Variants in SLC17A5 observed in about 807,000 individuals in gnomAD.
SLC17A5 encodes the protein solute carrier family 17 member 5.
Under a neutral mutation model 59.4 loss-of-function variants are expected in SLC17A5, and 47 were observed. The observed-to-expected ratio is 0.79, with a 90% CI of 0.63 to 1.01. The LOEUF (loss-of-function observed/expected upper bound fraction) is 1.01. Among genes scored for constraint, SLC17A5 ranks in the 50% least tolerant of loss-of-function variants. The pLI, the probability that SLC17A5 is intolerant of heterozygous loss-of-function variation, is 0.00. For synonymous variants in SLC17A5, 202 were observed against 210.7 expected (o/e 0.96, Z 0.36); for missense variants, 522 against 595.5 (o/e 0.88, Z 1.28).
intron 7 of SLC17A5, among the ~76,000 whole-genome samples, chr6:73,619,264 G>A (rs1249656717): frequency 4.6e-5 from 7 of 152,096 alleles, no homozygotes; most frequent in African/African-American, 9.7e-5. Context: ...TGGTGCTAAC[G>A]GATTTGCTCC....
intron 9 of SLC17A5, among the ~76,000 whole-genome samples, chr6:73,605,222 ATTATAATG>A (rs1767338274): frequency 6.6e-6 from 1 of 152,204 alleles, no homozygotes; most frequent in Admixed American, 6.5e-5. Context: ...AGTACTTAAT[ATTATAATG>A]TTATAATCTA....
At chr6:73,621,161 A>G (rs1323562418) in intron 7 of SLC17A5, among the ~76,000 whole-genome samples, 1 of 151,962 alleles carries the variant, frequency 6.6e-6, no homozygotes, top group South Asian at 2.1e-4. Context: ...ATGCACTACC[A>G]CGCCTGGTTA....
At chr6:73,645,352 G>A (rs3799289) in intron 1 of SLC17A5, 62,398 of 984,890 alleles carry the variant, frequency 0.063, 2,183 homozygotes, top group Admixed American at 0.16. Flanking sequence ...TAAAGCCATC[G>A]TAAACTAAAT....
chr6:73,597,025 G>A (rs1173679210), intron 10 of SLC17A5, among the ~76,000 whole-genome samples: 65 of 152,176 alleles, frequency 4.3e-4, no homozygotes, highest in African/African-American at 1.5e-3. Flanking sequence ...GCTGGGCGTG[G>A]TGGCAGGCTC....
At chr6:73,600,304 G>A (rs1200775416) in intron 10 of SLC17A5, 47 bp downstream of exon 10, 1 of 1,311,458 alleles carries the variant, frequency 7.6e-7, no homozygotes, top group South Asian at 1.2e-5. Flanking sequence ...TGACACAGAT[G>A]TGCAGCTCCA....
chr6:73,637,370 T>C (rs959651674), intron 4 of SLC17A5, among the ~76,000 whole-genome samples: 2 of 152,184 alleles, frequency 1.3e-5, no homozygotes, highest in African/African-American at 2.4e-5. Context: ...TTCAAGGAGT[T>C]TGGGATTTAT....
intron 9 of SLC17A5, among the ~76,000 whole-genome samples, chr6:73,602,774 CAAAA>C (rs71000136): frequency 9.9e-6 from 1 of 100,806 alleles, no homozygotes. Flanking sequence ...GACTCCGTCT[CAAAA>C]AAAAAAAAAA....
At chr6:73,641,997 G>GT (rs1371073008) in intron 2 of SLC17A5, 73 bp from the exon 3 acceptor site, 1 of 1,272,316 alleles carries the variant, frequency 7.9e-7, no homozygotes, top group Non-Finnish European at 1.1e-6. Context: ...TTACTGGCAT[G>GT]TAAGTACATA....
intron 4 of SLC17A5, among the ~76,000 whole-genome samples, chr6:73,637,508 AC>A (rs765411976): frequency 3.3e-5 from 5 of 152,208 alleles, no homozygotes; most frequent in African/African-American, 9.7e-5. Flanking sequence ...CTCTTAAAAA[AC>A]AATCTACATT....
At chr6:73,595,312 T>A in intron 10 of SLC17A5, 98 bp from the exon 11 acceptor site, 1 of 1,348,948 alleles carries the variant, frequency 7.4e-7, no homozygotes, top group Non-Finnish European at 1.0e-6. Context: ...ACAGCCACAT[T>A]ATTCATAAAA....
intron 1 of SLC17A5, among the ~76,000 whole-genome samples, chr6:73,648,190 T>C (rs1562002172): frequency 6.6e-6 from 1 of 152,228 alleles, no homozygotes; most frequent in Non-Finnish European, 1.5e-5. Context: ...TACAAATATA[T>C]TCAATCAGAA....
chr6:73,635,664 A>G (rs1373039924), intron 5 of SLC17A5, among the ~76,000 whole-genome samples, 164 bp from the exon 6 acceptor site: 3 of 152,230 alleles, frequency 2.0e-5, no homozygotes, highest in Non-Finnish European at 4.4e-5. Flanking sequence ...GTTTGGATTC[A>G]ATTTCAAGTT....
chr6:73,653,617 G>A (rs1319604625), intron 1 of SLC17A5, 176 bp downstream of exon 1: 2 of 568,742 alleles, frequency 3.5e-6, no homozygotes, highest in African/African-American at 2.1e-5. Flanking sequence ...TCTGCGCACC[G>A]AGGCAGGCGG....
chr6:73,637,039 T>C (rs542709494), intron 4 of SLC17A5, among the ~76,000 whole-genome samples: 360 of 151,794 alleles, frequency 2.4e-3, no homozygotes, highest in African/African-American at 7.6e-3. Flanking sequence ...TGAGGGGCGA[T>C]TGTGCCACTG....
rs756813520 is a variant in SLC17A5, at chr6:73,653,931, A to C, written c.-45T>G. ...GTACTCGCCACCTGGCAGAGAAGGG[A>C]GCGCCGGCCCGACAGCCCGAAGCCC... On this transcript the variant is annotated 5_prime_UTR_variant, in exon 1 of 11. Transcript: ENST00000355773. 17 of 1,525,880 alleles carry C rather than the reference A, an allele frequency of 1.1e-5. No homozygotes were observed. Among genetic ancestry groups the C allele is most frequent in the African/African-American group, 8.3e-5 (6 of 72,484 alleles). 94.5% of individuals were successfully genotyped at this position (1,525,880 alleles called of 1,614,324 possible).
intron 6 of SLC17A5, among the ~76,000 whole-genome samples, chr6:73,633,105 C>A (rs1768836350): frequency 6.6e-6 from 1 of 152,100 alleles, no homozygotes; most frequent in Non-Finnish European, 1.5e-5. Flanking sequence ...CTTGCCTCAG[C>A]CTCCTGAGGA....
intron 6 of SLC17A5, chr6:73,635,130 G>C (rs1768935498): frequency 4.1e-6 from 1 of 241,168 alleles, no homozygotes; most frequent in East Asian, 7.7e-5. Context: ...GTAGAGAAAG[G>C]GTCTCACTAT....
intron 4 of SLC17A5, among the ~76,000 whole-genome samples, chr6:73,638,111 C>T (rs2150114879): frequency 6.6e-6 from 1 of 150,472 alleles, no homozygotes; most frequent in South Asian, 2.1e-4. Context: ...TTTAAAACCC[C>T]CAAAAAAGTA....
intron 9 of SLC17A5, 34 bp from the exon 10 acceptor site, chr6:73,600,475 T>C (rs1246752782): frequency 6.7e-7 from 1 of 1,497,078 alleles, no homozygotes; most frequent in East Asian, 2.3e-5. Context: ...TTTATTATTG[T>C]GATACACATT....
Sources: gnomAD v4.1 joint callset for allele counts (sites outside exome capture counted in the v4.1 genomes callset) on GRCh38, gnomAD v4.1.1 for gene constraint, MANE v1.5 for transcripts, NCBI Gene and HGNC (gene_info 2026-07-23, HGNC 2026-07-21) for gene names.